The following ASTN2 variants were observed in gnomAD, a reference collection of about 807,000 sequenced individuals.
ASTN2 encodes the protein astrotactin-2.
In ASTN2, 54 loss-of-function variants were observed where a neutral mutation model predicts 139.8. That is an observed-to-expected ratio of 0.39 (90% CI 0.31 to 0.48). The LOEUF (loss-of-function observed/expected upper bound fraction) is 0.48. Among genes scored for constraint, ASTN2 ranks in the 20% least tolerant of loss-of-function variants. ASTN2 has a pLI of 0.95. For missense variants in ASTN2, 1,565 were observed against 1,725.1 expected, an observed-to-expected ratio of 0.91 and a Z score of 1.64; for synonymous variants, 756 against 719.5, an observed-to-expected ratio of 1.05 and a Z score of -0.81.
At chr9:117,146,387 C>A (rs1323869265) in intron 3 of ASTN2, among the ~76,000 whole-genome samples, 6 of 150,374 alleles carry the variant, frequency 4.0e-5, no homozygotes, top group African/African-American at 1.5e-4. Context: ...TGGTAATAAA[C>A]CACTGGGGCC....
chr9:116,847,233 A>G (rs531174396), intron 11 of ASTN2, among the ~76,000 whole-genome samples: 28 of 152,188 alleles, frequency 1.8e-4, no homozygotes, highest in African/African-American at 6.5e-4. Context: ...CTCCTGCCTC[A>G]GCCTCCCAAG....
intron 13 of ASTN2, among the ~76,000 whole-genome samples, chr9:116,777,599 T>C (rs1384857199): frequency 6.6e-6 from 1 of 152,108 alleles, no homozygotes; most frequent in Non-Finnish European, 1.5e-5. Flanking sequence ...CACTGATTAC[T>C]GGGACCCACC....
At chr9:116,526,292 A>G (rs934230004) in intron 19 of ASTN2, among the ~76,000 whole-genome samples, 10 of 152,210 alleles carry the variant, frequency 6.6e-5, no homozygotes, top group Admixed American at 6.5e-4. Context: ...AATCATACCT[A>G]CTCTGTGGGG....
intron 10 of ASTN2, among the ~76,000 whole-genome samples, chr9:116,864,531 T>G (rs550177316): frequency 6.6e-6 from 1 of 152,160 alleles, no homozygotes; most frequent in Non-Finnish European, 1.5e-5. Flanking sequence ...CAATGGAGGA[T>G]ACAGATGGGA....
intron 10 of ASTN2, among the ~76,000 whole-genome samples, chr9:116,871,198 C>A (rs1022159176): frequency 3.3e-5 from 5 of 152,144 alleles, no homozygotes; most frequent in African/African-American, 1.2e-4. Flanking sequence ...GCAGAGGTTG[C>A]AGTGAGCCGA....
rs79861654 is a variant in ASTN2 at position 116,507,736 on chromosome 9, G to A, written c.3356-20236C>T. On this transcript the variant is annotated intron_variant, in intron 19 of 22. Coordinates refer to ENST00000313400, the MANE Select transcript of ASTN2 (RefSeq NM_001365068.1). ...CTCCACTTGCCTCCCTGTCTGATGT[G>A]TTCTTTCTGTCCTTCTGCAAACTCG... Among the ~76,000 whole-genome samples the A allele has an allele frequency of 1.2e-4, 18 of 152,154 alleles. No homozygotes were observed. In the East Asian group the frequency reaches 3.5e-3, roughly 29 times the overall value.
At chr9:117,354,482 T>A (rs1415819590) in intron 1 of ASTN2, among the ~76,000 whole-genome samples, 1 of 152,160 alleles carries the variant, frequency 6.6e-6, no homozygotes, top group Non-Finnish European at 1.5e-5. Context: ...CAAATCCCCC[T>A]TTTTGAATAC....
At position 117,095,898 on chromosome 9, in the gene ASTN2, G is replaced by A. The variant is rs531749919; in HGVS notation, c.1276+146C>T. The A allele has an allele frequency of 4.6e-6, 3 of 653,656 alleles. 1 individual carries two copies. The South Asian group carries it at 5.9e-5, about 13-fold the overall frequency. The allele number at this position is 653,656 out of a possible 1,614,324, so 40.5% of individuals were successfully genotyped here. A position where few individuals can be genotyped will look rare whatever the true frequency, so the allele number is the denominator to read the frequency against. On this transcript the variant is annotated intron_variant, in intron 5 of 22. Transcript: ENST00000313400. ...CATTATACTGAAGGTCACCCATATA[G>A]CCAGGGCAACAGATACTAAGCTCAG... is the stretch of plus-strand genomic sequence containing the variant.
intron 19 of ASTN2, among the ~76,000 whole-genome samples, chr9:116,534,102 G>A (rs1851496458): frequency 6.6e-6 from 1 of 152,124 alleles, no homozygotes; most frequent in Non-Finnish European, 1.5e-5. Flanking sequence ...GGGTGGATGT[G>A]TCCAGGAATT....
intron 16 of ASTN2, among the ~76,000 whole-genome samples, chr9:116,688,084 A>G (rs1021032442): frequency 4.6e-5 from 7 of 151,338 alleles, no homozygotes; most frequent in African/African-American, 1.5e-4. Context: ...ATTGAGGGAG[A>G]GCAGAAATCT....
At chr9:116,487,732 T>A (rs1224012715) in intron 19 of ASTN2, among the ~76,000 whole-genome samples, 1 of 152,298 alleles carries the variant, frequency 6.6e-6, no homozygotes, top group Admixed American at 6.5e-5. Context: ...TACCTACCTT[T>A]ATAAGATTGT....
intron 16 of ASTN2, among the ~76,000 whole-genome samples, chr9:116,717,548 C>T (rs891473921): frequency 6.6e-6 from 1 of 152,102 alleles, no homozygotes; most frequent in African/African-American, 2.4e-5. Context: ...AGCTAAGGCA[C>T]AAAGGGAGAG....
In ASTN2 at chr9:117,367,535, A is replaced by T. The variant is rs372428973; in HGVS notation, c.442+46962T>A. 8.5e-5 allele frequency among the ~76,000 whole-genome samples: 13 copies of T among 152,146 alleles called. No homozygotes were observed. The East Asian group carries it at 2.1e-3, about 25-fold the overall frequency. On this transcript the variant is annotated intron_variant, in intron 1 of 22. Coordinates refer to ENST00000313400, the MANE Select transcript of ASTN2 (RefSeq NM_001365068.1). ...GTGTGTGTGTGTGTGAAGCTTTTGCAGAAGTCCCTGCTCATGGTAAACATT... is the reference window on the plus strand; with the variant it reads ...GTGTGTGTGTGTGTGAAGCTTTTGCTGAAGTCCCTGCTCATGGTAAACATT...
chr9:116,870,907 G>A (rs749412939), intron 10 of ASTN2, among the ~76,000 whole-genome samples: 6 of 152,110 alleles, frequency 3.9e-5, no homozygotes, highest in East Asian at 1.9e-4. Context: ...GGTAATAGCC[G>A]ACAACCTTGT....
intron 5 of ASTN2, among the ~76,000 whole-genome samples, chr9:117,086,534 A>G (rs537498294): frequency 5.5e-4 from 84 of 152,318 alleles, no homozygotes; most frequent in Admixed American, 1.3e-3. Context: ...AGATCGTACC[A>G]TTGCACTCCA....
At chr9:117,026,478 A>T (rs1051364551) in intron 6 of ASTN2, among the ~76,000 whole-genome samples, 1 of 152,118 alleles carries the variant, frequency 6.6e-6, no homozygotes, top group African/African-American at 2.4e-5. Flanking sequence ...TCAACCTTTC[A>T]GGGATCCCAG....
intron 10 of ASTN2, among the ~76,000 whole-genome samples, chr9:116,887,829 A>G (rs1399694305): frequency 6.6e-6 from 1 of 151,864 alleles, no homozygotes; most frequent in Admixed American, 6.6e-5. Flanking sequence ...CACCACATCC[A>G]GCTAAGTTTT....
At chr9:116,801,116 A>G (rs10983353) in intron 13 of ASTN2, among the ~76,000 whole-genome samples, 26,659 of 151,990 alleles carry the variant, frequency 0.18, 2,848 homozygotes, top group South Asian at 0.24. Flanking sequence ...CTTGCTGGCT[A>G]CTCTCTAGGG....
chr9:116,801,466 C>A (rs1156362202), intron 13 of ASTN2, among the ~76,000 whole-genome samples: 1 of 149,492 alleles, frequency 6.7e-6, no homozygotes, highest in Non-Finnish European at 1.5e-5. Flanking sequence ...GTAATCCCAG[C>A]TACTTGGGAG....
Sources: allele counts gnomAD v4.1 joint callset (sites outside exome capture counted in the v4.1 genomes callset), GRCh38; gene constraint gnomAD v4.1.1; transcripts MANE v1.5; gene names NCBI Gene and HGNC (gene_info 2026-07-23, HGNC 2026-07-21).